The following DNM3 variants were observed in gnomAD, a reference collection of about 807,000 sequenced individuals.
DNM3 encodes the protein dynamin-3.
A neutral mutation model predicts 101.6 loss-of-function variants in DNM3; 47 were observed. The ratio of observed to expected loss-of-function variants is 0.46; its 90% CI spans 0.37 to 0.59. The LOEUF (loss-of-function observed/expected upper bound fraction) is 0.59, where lower values mean the gene tolerates loss of function less well. DNM3 is among the 20% of genes least tolerant of loss of function. The pLI is 0.00. For missense variants in DNM3, 849 were observed against 1,085.7 expected (o/e 0.78, Z 3.06); for synonymous variants, 385 against 387.9 (o/e 0.99, Z 0.09).
chr1:172,363,862 T>C (rs1231775133), intron 17 of DNM3, among the ~76,000 whole-genome samples: 1 of 151,756 alleles, frequency 6.6e-6, no homozygotes, highest in Non-Finnish European at 1.5e-5. Context: ...CCACCTCCAT[T>C]CCCTTTGTTT....
intron 14 of DNM3, among the ~76,000 whole-genome samples, chr1:172,180,144 A>G (rs2059293264): frequency 6.6e-6 from 1 of 152,104 alleles, no homozygotes; most frequent in African/African-American, 2.4e-5. Context: ...GTCTATGTGG[A>G]TATACTATCA....
intron 2 of DNM3, among the ~76,000 whole-genome samples, chr1:171,936,772 C>A (rs1471543135): frequency 2.9e-5 from 2 of 67,916 alleles, no homozygotes; most frequent in African/African-American, 1.1e-4. Flanking sequence ...TATTTGGGAT[C>A]CTTGGCTGGA....
chr1:171,948,192 TTA>T (rs2042284934), intron 2 of DNM3, among the ~76,000 whole-genome samples: 1 of 152,160 alleles, frequency 6.6e-6, no homozygotes, highest in Non-Finnish European at 1.5e-5. Context: ...ATACAACATT[TTA>T]GAGAAGCAAA....
chr1:172,200,470 T>C (rs1328840646), intron 14 of DNM3, among the ~76,000 whole-genome samples: 2 of 152,174 alleles, frequency 1.3e-5, no homozygotes, highest in Non-Finnish European at 2.9e-5. Flanking sequence ...GTTGGTGAAG[T>C]TTTTATGGAC....
At chr1:172,414,148 C>T (rs953219117), downstream of DNM3, among the ~76,000 whole-genome samples, 8 of 152,112 alleles carry the variant, frequency 5.3e-5, no homozygotes, top group African/African-American at 1.2e-4. Flanking sequence ...TATTGAGAAA[C>T]GTGTTTAGTA....
intron 2 of DNM3, among the ~76,000 whole-genome samples, chr1:171,926,419 C>T (rs915175549): frequency 1.3e-5 from 2 of 152,122 alleles, no homozygotes; most frequent in African/African-American, 4.8e-5. Flanking sequence ...AAGTGTCAAA[C>T]TTTATTTTCT....
At chr1:171,891,861 C>A (rs2037311672) in intron 1 of DNM3, among the ~76,000 whole-genome samples, 1 of 152,146 alleles carries the variant, frequency 6.6e-6, no homozygotes, top group Non-Finnish European at 1.5e-5. Flanking sequence ...CCCTTTCTAT[C>A]CTGTATTCTT....
At chr1:171,888,482 G>A (rs1193912991) in intron 1 of DNM3, among the ~76,000 whole-genome samples, 1 of 152,188 alleles carries the variant, frequency 6.6e-6, no homozygotes, top group East Asian at 1.9e-4. Flanking sequence ...ATAGAGGAAA[G>A]GATGCAGAAA....
At chr1:172,038,705 G>C (rs1420809290) in intron 7 of DNM3, among the ~76,000 whole-genome samples, 4 of 152,110 alleles carry the variant, frequency 2.6e-5, no homozygotes, top group Non-Finnish European at 4.4e-5. Context: ...TTTTAAAACT[G>C]GATTAAGTGA....
At chr1:172,107,794 T>G (rs1339698880) in intron 13 of DNM3, among the ~76,000 whole-genome samples, 2 of 152,212 alleles carry the variant, frequency 1.3e-5, no homozygotes, top group Non-Finnish European at 2.9e-5. Context: ...ATGTCCCAAA[T>G]TCACCATGAC....
At chr1:172,321,286 A>G (rs1360346399) in intron 16 of DNM3, among the ~76,000 whole-genome samples, 2 of 152,266 alleles carry the variant, frequency 1.3e-5, no homozygotes, top group South Asian at 4.1e-4. Flanking sequence ...CCTCATATGC[A>G]TTTTTTCAGC....
chr1:171,896,548 G>C (rs903492476), intron 1 of DNM3, among the ~76,000 whole-genome samples: 13 of 152,148 alleles, frequency 8.5e-5, no homozygotes, highest in African/African-American at 2.4e-4. Context: ...GAGATTTTGG[G>C]CTGACACGAT....
At chr1:172,304,915 C>T (rs1469178397) in intron 15 of DNM3, among the ~76,000 whole-genome samples, 1 of 151,932 alleles carries the variant, frequency 6.6e-6, no homozygotes, top group African/African-American at 2.4e-5. Flanking sequence ...CACTAAATGC[C>T]CACAAGAGAA....
intron 1 of DNM3, among the ~76,000 whole-genome samples, chr1:171,918,042 C>A (rs1289965653): frequency 6.6e-6 from 1 of 152,104 alleles, no homozygotes; most frequent in Non-Finnish European, 1.5e-5. Flanking sequence ...CTTTCCAAAC[C>A]CTTGCAGGTG....
At chr1:172,098,026 G>A (rs2054365694) in intron 13 of DNM3, among the ~76,000 whole-genome samples, 1 of 152,154 alleles carries the variant, frequency 6.6e-6, no homozygotes. Context: ...TGAGATCACA[G>A]GACCACAGGA....
chr1:171,936,277 A>G (rs148117703), intron 2 of DNM3, among the ~76,000 whole-genome samples: 2 of 152,130 alleles, frequency 1.3e-5, no homozygotes, highest in Non-Finnish European at 2.9e-5. Flanking sequence ...CCCGGGAGGC[A>G]GAGGTTGCAG....
At chr1:172,193,140 T>G (rs905849605) in intron 14 of DNM3, among the ~76,000 whole-genome samples, 3 of 152,084 alleles carry the variant, frequency 2.0e-5, no homozygotes, top group Admixed American at 6.6e-5. Flanking sequence ...ATGATGAGCA[T>G]TTTTTCGTGT....
intron 17 of DNM3, among the ~76,000 whole-genome samples, chr1:172,344,322 T>C (rs554261777): frequency 6.6e-6 from 1 of 152,344 alleles, no homozygotes; most frequent in Admixed American, 6.5e-5. Context: ...TGTTACCCTT[T>C]TACTGTTGTG....
chr1:171,920,910 A>G (rs1482321618), intron 1 of DNM3, among the ~76,000 whole-genome samples: 1 of 152,158 alleles, frequency 6.6e-6, no homozygotes, highest in African/African-American at 2.4e-5. Context: ...ACTTATTTCT[A>G]CTTGATCCCA....
Sources: gnomAD v4.1 joint callset for allele counts (sites outside exome capture counted in the v4.1 genomes callset) on GRCh38, gnomAD v4.1.1 for gene constraint, MANE v1.5 for transcripts, NCBI Gene and HGNC (gene_info 2026-07-23, HGNC 2026-07-21) for gene names.